The following MYCBP2 variants were observed in gnomAD, a reference collection of about 807,000 sequenced individuals.
MYCBP2 encodes the protein MYC binding protein 2, also known as E3 ubiquitin-protein ligase MYCBP2.
Under a neutral mutation model 525.3 loss-of-function variants are expected in MYCBP2, and 120 were observed. The observed-to-expected ratio is 0.23, with a 90% CI of 0.20 to 0.27. The LOEUF is 0.27. Among genes scored for constraint, MYCBP2 ranks in the 10% least tolerant of loss-of-function variants. The probability of loss-of-function intolerance (pLI) is 1.00; values close to 1 mark genes in which losing one functional copy is unlikely to be tolerated. For synonymous variants in MYCBP2, 1,894 were observed against 1,955.8 expected (o/e 0.97, Z 0.83); for missense variants, 4,149 against 5,657.1 (o/e 0.73, Z 8.55).
chr13:77,213,320 C>T (rs914088708), intron 21 of MYCBP2, among the ~76,000 whole-genome samples: 11 of 151,990 alleles, frequency 7.2e-5, no homozygotes, highest in Admixed American at 2.6e-4. Context: ...ACTAAAAATA[C>T]GAAAATTAGC....
chr13:77,323,637 TG>T (rs2081957501), intron 1 of MYCBP2, among the ~76,000 whole-genome samples: 1 of 152,174 alleles, frequency 6.6e-6, no homozygotes, highest in Non-Finnish European at 1.5e-5. Context: ...CCCATTGGAG[TG>T]GATTTTCCAA....
rs755882954 is a variant in MYCBP2 at position 77,211,220 on chromosome 13, C to T, written c.3363G>A (p.Glu1121=). The T allele has an allele frequency of 3.9e-6, 6 of 1,546,764 alleles. No individual in the cohort carries two copies. The South Asian group carries it at 7.5e-5, about 19-fold the overall frequency. The part of the protein sequence containing the change: ...SCKTFNDSEQ[E]DLQGFGVCLD... ...GACACACACCAAATCCTTGCAGATC[C>T]TCTTGTTCTGAGTCATTAAAAGTTT... Residue 1121 remains glutamate (E), a synonymous_variant, in exon 23 of 83, where the codon GAG becomes GAA. Coordinates refer to ENST00000544440, the MANE Select transcript of MYCBP2 (RefSeq NM_015057.5).
intron 30 of MYCBP2, among the ~76,000 whole-genome samples, chr13:77,186,719 T>C (rs367975301): frequency 1.1e-4 from 16 of 152,016 alleles, no homozygotes; most frequent in Admixed American, 1.3e-4. Context: ...TGACAACAGA[T>C]ACCACCTGAA....
At chr13:77,205,751 C>G (rs73543896) in intron 24 of MYCBP2, among the ~76,000 whole-genome samples, 153 bp from the exon 25 acceptor site, 3,581 of 152,204 alleles carry the variant, frequency 0.024, 138 homozygotes, top group African/African-American at 0.082. Context: ...ATGCTTAAAA[C>G]CAATACAAAT....
intron 18 of MYCBP2, among the ~76,000 whole-genome samples, chr13:77,227,473 CACACACAT>C (rs1339079325): frequency 1.0e-3 from 105 of 102,856 alleles, no homozygotes; most frequent in African/African-American, 3.3e-3. Context: ...TACACACACA[CACACACAT>C]ACACACACAC....
chr13:77,311,835 A>T (rs983120949), intron 1 of MYCBP2, among the ~76,000 whole-genome samples: 1 of 152,100 alleles, frequency 6.6e-6, no homozygotes, highest in African/African-American at 2.4e-5. Context: ...CAGAAGAAAG[A>T]CACAATGGTA....
chr13:77,275,854 C>A (rs956579073), intron 4 of MYCBP2, among the ~76,000 whole-genome samples: 12 of 151,972 alleles, frequency 7.9e-5, no homozygotes, highest in African/African-American at 2.9e-4. Flanking sequence ...CATTGTGGAA[C>A]GCGCCTGTAG....
chr13:77,116,615 G>T (rs867389715), intron 55 of MYCBP2, among the ~76,000 whole-genome samples: 9 of 152,068 alleles, frequency 5.9e-5, no homozygotes, highest in South Asian at 4.2e-4. Context: ...TCCATTGCTG[G>T]ACTATAGGCA....
intron 58 of MYCBP2, 36 bp downstream of exon 58, chr13:77,095,322 A>G (rs1265722968): frequency 3.7e-6 from 6 of 1,609,716 alleles, no homozygotes; most frequent in Non-Finnish European, 5.1e-6. Flanking sequence ...CTGTTAATCC[A>G]AAGGTGATTA....
chr13:77,185,960 G>C lies in MYCBP2; in HGVS notation c.4355C>G (p.Thr1452Arg). The C allele has an allele frequency of 6.2e-7, 1 of 1,613,850 alleles. No individual in the cohort carries two copies. The highest frequency in any genetic ancestry group is 8.5e-7 in the Non-Finnish European group (1 of 1,179,794). The change falls in exon 31 of 83, where the codon ACA becomes AGA. Residue 1452 changes from threonine to arginine, a missense_variant. By Grantham distance (71) the Thr-to-Arg change is moderately conservative (BLOSUM62 -1). Around this residue, in one of 21 missense-constraint regions of MYCBP2, gnomAD observed 292 missense variants for 330.5 expected, o/e 0.88. Coordinates refer to ENST00000544440, the MANE Select transcript of MYCBP2 (RefSeq NM_015057.5). ...RGLKGFQFTA[T>R]LLDLERLRFV... ...GCGCAGTCTCTCTAAATCTAGGAGT[G>C]TAGCTGTGAACTGGAATCCTTTTAA...
At chr13:77,176,660 AAC>A (rs1208783627) in intron 35 of MYCBP2, 32 bp from the exon 36 acceptor site, 1 of 1,467,464 alleles carries the variant, frequency 6.8e-7, no homozygotes, top group African/African-American at 1.4e-5. Flanking sequence ...CAAAAATTCC[AAC>A]AGACTCTTAA....
intron 62 of MYCBP2, among the ~76,000 whole-genome samples, chr13:77,084,522 G>T (rs762704913): frequency 2.0e-5 from 3 of 152,086 alleles, no homozygotes; most frequent in Non-Finnish European, 2.9e-5. Context: ...TTCCATCAAG[G>T]CTTGGCATTC....
rs1234906942 is a variant in MYCBP2 at position 77,261,391 on chromosome 13, A to AT, written c.1648-17_1648-16insA. 2 of 1,577,282 alleles carry AT rather than the reference A, an allele frequency of 1.3e-6. No homozygotes were observed. Among genetic ancestry groups the AT allele is most frequent in the African/African-American group, 2.7e-5 (2 of 73,012 alleles). On this transcript the variant is annotated splice_polypyrimidine_tract_variant and intron_variant, in intron 11 of 82. Transcript: ENST00000544440. ...TGTAATATATCTTATGTATTAAAAA[A>AT]AAAAAGGAATTATGGTACTTTTTGG...
intron 17 of MYCBP2, among the ~76,000 whole-genome samples, chr13:77,236,489 T>C (rs533611912): frequency 6.6e-6 from 1 of 152,298 alleles, no homozygotes; most frequent in African/African-American, 2.4e-5. Context: ...GAATCTATCC[T>C]AAAGAAAACT....
chr13:77,243,446 C>A lies in MYCBP2; in HGVS notation c.2528-286G>T, dbSNP rs9544438. ...TGGCCAACATGGTGAAACCCCGTCT[C>A]TACTAAAAATACAAAAATTAGCCAG... On this transcript the variant is annotated intron_variant, in intron 16 of 82. Coordinates refer to ENST00000544440, the MANE Select transcript of MYCBP2 (RefSeq NM_015057.5). Among the ~76,000 whole-genome samples the A allele has an allele frequency of 0.16, 24,830 of 151,870 alleles. 2,324 individuals carry two copies. The highest frequency in any genetic ancestry group is 0.4 in the South Asian group (1,923 of 4,792).
At chr13:77,175,759 G>T (rs1422772319) in intron 36 of MYCBP2, among the ~76,000 whole-genome samples, 2 of 151,952 alleles carry the variant, frequency 1.3e-5, no homozygotes, top group Non-Finnish European at 2.9e-5. Flanking sequence ...GCAGGAGTTC[G>T]AGACCAGCCT....
At chr13:77,200,587 T>C (rs1186391769) in intron 26 of MYCBP2, among the ~76,000 whole-genome samples, 1 of 152,122 alleles carries the variant, frequency 6.6e-6, no homozygotes, top group Non-Finnish European at 1.5e-5. Context: ...AGGCACATAA[T>C]TGTCAGATTT....
chr13:77,241,826 A>G lies in MYCBP2; in HGVS notation c.2629+1233T>C, dbSNP rs2068882499. On this transcript the variant is annotated intron_variant, in intron 17 of 82. Coordinates refer to ENST00000544440, the MANE Select transcript of MYCBP2 (RefSeq NM_015057.5). ...TATTATACATTTTACTACTTATTCC[A>G]TATATTAACAAAAAGAATAGCTAGA... Among the ~76,000 whole-genome samples the G allele has an allele frequency of 3.3e-5, 5 of 152,144 alleles. No homozygotes were observed. The South Asian group carries it at 1.0e-3, about 31-fold the overall frequency.
chr13:77,310,311 T>G (rs1455830477), intron 1 of MYCBP2, among the ~76,000 whole-genome samples: 1 of 152,172 alleles, frequency 6.6e-6, no homozygotes, highest in Non-Finnish European at 1.5e-5. Flanking sequence ...ACTTCTTTGA[T>G]TCCCTGAATT....
Sources: gnomAD v4.1 joint callset for allele counts (sites outside exome capture counted in the v4.1 genomes callset) on GRCh38, gnomAD v4.1.1 for gene constraint, gnomAD v4.1.1 regional missense constraint, MANE v1.5 for transcripts, NCBI Gene and HGNC (gene_info 2026-07-23, HGNC 2026-07-21) for gene names.